The following BCL6B variants were observed in gnomAD, a reference collection of about 807,000 sequenced individuals.
BCL6B encodes the protein BCL6B transcription repressor.
BCL6B carries 28 observed loss-of-function variants against 44.6 expected under a neutral mutation model. That is an observed-to-expected ratio of 0.63 (90% confidence interval 0.47 to 0.86). The LOEUF (loss-of-function observed/expected upper bound fraction) is 0.86, where lower values mean the gene tolerates loss of function less well. Ranked by LOEUF, BCL6B falls within the 40% of genes least tolerant of loss-of-function variation. The probability of loss-of-function intolerance (pLI) is 0.00; values close to 1 mark genes in which losing one functional copy is unlikely to be tolerated. For missense variants in BCL6B, 626 were observed against 652.3 expected, an observed-to-expected ratio of 0.96 and a Z score of 0.44; for synonymous variants, 268 against 263.6, an observed-to-expected ratio of 1.02 and a Z score of -0.16.
In BCL6B at chr17:7,027,926, GC is replaced by G; in HGVS notation, c.*312del. ...CTAAGGGAATAGCCCTCCACCTGTG[GC>G]CCCCATTGCATTCAGTTTATCTGTA... On this transcript the variant is annotated 3_prime_UTR_variant, in exon 9 of 9. Coordinates refer to ENST00000293805, the MANE Select transcript of BCL6B (RefSeq NM_181844.4). 8.5e-7 allele frequency: 1 copy of G among 1,172,856 alleles called. No homozygotes were observed. Among genetic ancestry groups the G allele is most frequent in the Non-Finnish European group, 1.1e-6 (1 of 946,074 alleles). The allele number at this position is 1,172,856 out of a possible 1,614,324, so 72.7% of individuals were successfully genotyped here. A position where few individuals can be genotyped will look rare whatever the true frequency, so the allele number is the denominator to read the frequency against.
rs1164339972 is a variant in BCL6B at position 7,026,720 on chromosome 17, A to T, written c.1070A>T (p.His357Leu). 1 of 1,614,222 alleles carries T rather than the reference A, an allele frequency of 6.2e-7. No homozygotes were observed. Among genetic ancestry groups the T allele is most frequent in the Non-Finnish European group, 8.5e-7 (1 of 1,180,034 alleles). ...CTGCCTCCAGGGGAAAAGCCTTACC[A>T]CTGCTCAATCTGCGGAGCCCGTTTT... ...RTVHTGEKPY[H>L]CSICGARFNR... The change falls in exon 7 of 9, where the codon CAC (histidine) becomes CTC (leucine). Residue 357 changes from histidine (H) to leucine (L), a missense_variant. Coordinates refer to ENST00000293805, the MANE Select transcript of BCL6B (RefSeq NM_181844.4).
rs1255874792 is a variant in BCL6B at position 7,024,104 on chromosome 17, C to A, written c.201C>A (p.Phe67Leu). 5 of 1,613,950 alleles carry A rather than the reference C, an allele frequency of 3.1e-6. No homozygotes were observed. In the South Asian group the frequency reaches 5.5e-5, roughly 18 times the overall value. The change falls in exon 3 of 9, where the codon TTC (phenylalanine) becomes TTA (leucine). Residue 67 changes from phenylalanine to leucine, a missense_variant. By Grantham distance (22) the Phe-to-Leu change is conservative. Coordinates refer to ENST00000293805, the MANE Select transcript of BCL6B (RefSeq NM_181844.4). The surrounding 1 kb of genome is among the most constrained non-coding windows in gnomAD (Gnocchi z 6.6). Reference protein sequence around the residue: ...IACSGFFYSIFRGRAGVGVDV... With the variant: ...IACSGFFYSILRGRAGVGVDV... ...CTAGTGGCTTCTTCTATTCAATTTT[C>A]CGGGGCCGTGCGGGAGTCGGGGTGG...
In BCL6B at chr17:7,028,956, C is replaced by T. The variant is rs1910381772; in HGVS notation, c.*1337C>T. 2 of 985,420 alleles carry T rather than the reference C, an allele frequency of 2.0e-6. No homozygotes were observed. The highest frequency in any genetic ancestry group is 9.4e-5 in the South Asian group (2 of 21,274). The allele number at this position is 985,420 out of a possible 1,614,324, so 61.0% of individuals were successfully genotyped here. A position where few individuals can be genotyped will look rare whatever the true frequency, so the allele number is the denominator to read the frequency against. ...TCTAGAAGGGATGGTGCTTGGTAAC[C>T]TTACCTTTTAAAAGCTGGGTCTGTG... On this transcript the variant is annotated 3_prime_UTR_variant, in exon 9 of 9. Coordinates refer to ENST00000293805, the MANE Select transcript of BCL6B (RefSeq NM_181844.4).
rs1910333258 is a variant in BCL6B at position 7,027,548 on chromosome 17, C to A, written c.1369C>A (p.Leu457Met). The A allele has an allele frequency of 6.2e-7, 1 of 1,613,932 alleles. No individual in the cohort carries two copies. The highest frequency in any genetic ancestry group is 1.3e-5 in the African/African-American group (1 of 75,028). ...LHFRHKSQLR[L>M]HLRQKHGAAT... is the part of the protein sequence containing the mutation. ...TTTCCGGCACAAGAGTCAACTGCGG[C>A]TGCATCTGCGCCAGAAACACGGAGC... is the stretch of plus-strand genomic sequence containing the variant. The change falls in exon 9 of 9, where the codon CTG (leucine) becomes ATG (methionine). Residue 457 changes from leucine (L) to methionine (M), a missense_variant. Leu to Met is a conservative substitution (Grantham distance 15, BLOSUM62 2). Coordinates refer to ENST00000293805, the MANE Select transcript of BCL6B (RefSeq NM_181844.4).
At chr17:7,025,011 C>G (rs1178511101) in intron 4 of BCL6B, 65 bp from the exon 5 acceptor site, 4 of 1,571,910 alleles carry the variant, frequency 2.5e-6, no homozygotes, top group Non-Finnish European at 3.4e-6. Context: ...CCAAATTTCC[C>G]AGGAGAGAAC....
In BCL6B at chr17:7,024,837, G is replaced by A; in HGVS notation, c.764+74G>A. On this transcript the variant is annotated intron_variant, in intron 4 of 8. Coordinates refer to ENST00000293805, the MANE Select transcript of BCL6B (RefSeq NM_181844.4). The surrounding 1 kb of genome is among the most constrained non-coding windows in gnomAD (Gnocchi z 6.6). ...AAGACAGAGTCATTGGGCCTTGATG[G>A]TCAGGAGGAAGGGAGATAGGTGGTG... 6.6e-7 allele frequency: 1 copy of A among 1,510,694 alleles called. No individual in the cohort carries two copies. The highest frequency in any genetic ancestry group is 1.3e-5 in the South Asian group (1 of 79,308). The allele number at this position is 1,510,694 out of a possible 1,614,324, so 93.6% of individuals were successfully genotyped here. A position where few individuals can be genotyped will look rare whatever the true frequency, so the allele number is the denominator to read the frequency against.
Position 7,029,633 on chromosome 17 carries a change from C to A in BCL6B, c.*2014C>A. On this transcript the variant is annotated 3_prime_UTR_variant, in exon 9 of 9. Coordinates refer to ENST00000293805, the MANE Select transcript of BCL6B (RefSeq NM_181844.4). The stretch of plus-strand genomic sequence containing the variant: ...CATCAGATCCTTGGAATAAAGAAGC[C>A]TCTCTGTGCTGCCTGCTGTGTCCTG... 8.4e-7 allele frequency: 1 copy of A among 1,186,238 alleles called. No individual in the cohort carries two copies. Among genetic ancestry groups the A allele is most frequent in the South Asian group, 1.6e-5 (1 of 64,036 alleles). 73.5% of individuals were successfully genotyped at this position (1,186,238 alleles called of 1,614,324 possible).
rs186721993 is a variant in BCL6B, at chr17:7,029,538, A to G, written c.*1919A>G. 4.5e-6 allele frequency: 5 copies of G among 1,120,906 alleles called. No homozygotes were observed. The East Asian group carries it at 3.0e-4, about 68-fold the overall frequency. 69.4% of individuals were successfully genotyped at this position (1,120,906 alleles called of 1,614,324 possible). Reference sequence around the variant, plus strand: ...GCGGAGGAGTCTATAAGAAGGAATCATGATTTCTATTTAGCAGATTGGATG... The same window carrying G: ...GCGGAGGAGTCTATAAGAAGGAATCGTGATTTCTATTTAGCAGATTGGATG... On this transcript the variant is annotated 3_prime_UTR_variant, in exon 9 of 9. Coordinates refer to ENST00000293805, the MANE Select transcript of BCL6B (RefSeq NM_181844.4).
rs1567728463 is a variant in BCL6B at position 7,024,426 on chromosome 17, C to T, written c.427C>T (p.Arg143Cys). ...ASYEPLGISL[R>C]PLEAEPPTPP... ...CTATGAACCTCTGGGCATCTCCCTG[C>T]GCCCCCTGGAAGCAGAACCCCCAAC... The change falls in exon 4 of 9, where the codon CGC becomes TGC. Residue 143 changes from arginine (R) to cysteine (C), a missense_variant. Physicochemically the swap from Arg to Cys is radical, Grantham distance 180. Transcript: ENST00000293805. This position sits in a 1 kb window ranked among gnomAD's most constrained non-coding sequence, Gnocchi z 6.6. 1.2e-6 allele frequency: 2 copies of T among 1,613,542 alleles called. No individual in the cohort carries two copies. The highest frequency in any genetic ancestry group is 1.1e-5 in the South Asian group (1 of 91,040).
At position 7,027,598 on chromosome 17, in the gene BCL6B, C is replaced by A; in HGVS notation, c.1419C>A (p.Tyr473Ter). ...CTGCTACCAACACCAAAGTGCACTACCACATTCTCGGGGGGCCCTAGCTGA... is the reference window on the plus strand; with the variant it reads ...CTGCTACCAACACCAAAGTGCACTAACACATTCTCGGGGGGCCCTAGCTGA... ...HGAATNTKVHYHILGGP is the reference protein window; with the variant it reads ...HGAATNTKVH The change falls in exon 9 of 9, where the codon TAC (tyrosine) becomes TAA (stop). Residue 473 changes from tyrosine to a stop codon, truncating the protein, a stop_gained. Transcript: ENST00000293805. LOFTEE classifies it high-confidence loss of function. 1 of 1,613,622 alleles carries A rather than the reference C, an allele frequency of 6.2e-7. No homozygotes were observed. The highest frequency in any genetic ancestry group is 8.5e-7 in the Non-Finnish European group (1 of 1,180,024).
chr17:7,027,469 TG>T, intron 8 of BCL6B, 33 bp from the exon 9 acceptor site: 1 of 1,611,714 alleles, frequency 6.2e-7, no homozygotes, highest in Non-Finnish European at 8.5e-7. Flanking sequence ...TGATTGTGGA[TG>T]GGGCAGGGCC....
Position 7,023,785 on chromosome 17 carries a change from T to A in BCL6B, c.114T>A (p.Thr38=). 1 of 1,612,512 alleles carries A rather than the reference T, an allele frequency of 6.2e-7. No individual in the cohort carries two copies. Among genetic ancestry groups the A allele is most frequent in the South Asian group, 1.1e-5 (1 of 91,040 alleles). The change falls in exon 2 of 9, where the codon ACT becomes ACA. Residue 38 remains threonine (T), a synonymous_variant. Coordinates refer to ENST00000293805, the MANE Select transcript of BCL6B (RefSeq NM_181844.4). ...LNELRLRGIL[T]DVTLLVGGQP... ...AGCTGCGCCTGCGCGGGATCCTCAC[T>A]GACGTCACGCTGCTGGTTGGCGGGC...
chr17:7,027,132 C>G, intron 8 of BCL6B, 45 bp downstream of exon 8: 1 of 1,609,500 alleles, frequency 6.2e-7, no homozygotes, highest in Non-Finnish European at 8.5e-7. Flanking sequence ...AATTACCTCT[C>G]CTTTGCCTAG....
rs1013236603 is a variant in BCL6B at position 7,028,754 on chromosome 17, A to C, written c.*1135A>C. 4 of 985,370 alleles carry C rather than the reference A, an allele frequency of 4.1e-6. No individual in the cohort carries two copies. In the African/African-American group the frequency reaches 7.0e-5, roughly 17 times the overall value. 61.0% of individuals were successfully genotyped at this position (985,370 alleles called of 1,614,324 possible). ...CTATGAATGTTATGGCCTAGGGAAG[A>C]ATCATGAAACTCTTTAGCTTGATTA... is the stretch of plus-strand genomic sequence containing the variant. On this transcript the variant is annotated 3_prime_UTR_variant, in exon 9 of 9. Transcript: ENST00000293805.
In BCL6B at chr17:7,027,771, G is replaced by C. The variant is rs1490183406; in HGVS notation, c.*152G>C. The C allele has an allele frequency of 3.4e-6, 5 of 1,454,610 alleles. No individual in the cohort carries two copies. The Admixed American group carries it at 7.8e-5, about 23-fold the overall frequency. 90.1% of individuals were successfully genotyped at this position (1,454,610 alleles called of 1,614,324 possible). A position where few individuals can be genotyped will look rare whatever the true frequency, so the allele number is the denominator to read the frequency against. On this transcript the variant is annotated 3_prime_UTR_variant, in exon 9 of 9. Coordinates refer to ENST00000293805, the MANE Select transcript of BCL6B (RefSeq NM_181844.4). ...TCTTAATTTCTCACTGGGGAGAGCA[G>C]GGGTGGCAGATCCTGGCTAGATCTG...
intron 5 of BCL6B, 86 bp from the exon 6 acceptor site, chr17:7,026,371 C>T (rs538434616): frequency 6.7e-7 from 1 of 1,496,738 alleles, no homozygotes; most frequent in South Asian, 1.3e-5. Context: ...AACAGAAAGC[C>T]TGCTACTGTG....
chr17:7,023,943 G>A, intron 2 of BCL6B, 93 bp downstream of exon 2: 2 of 1,546,274 alleles, frequency 1.3e-6, no homozygotes, highest in East Asian at 4.5e-5. Context: ...TCTTTCAGAA[G>A]CAGGAGGCGG....
At position 7,029,536 on chromosome 17, in the gene BCL6B, T is replaced by A. The variant is rs1004964162; in HGVS notation, c.*1917T>A. On this transcript the variant is annotated 3_prime_UTR_variant, in exon 9 of 9. Coordinates refer to ENST00000293805, the MANE Select transcript of BCL6B (RefSeq NM_181844.4). The stretch of plus-strand genomic sequence containing the variant: ...AGGCGGAGGAGTCTATAAGAAGGAA[T>A]CATGATTTCTATTTAGCAGATTGGA... 6 of 1,117,640 alleles carry A rather than the reference T, an allele frequency of 5.4e-6. No individual in the cohort carries two copies. In the Admixed American group the frequency reaches 2.6e-4, roughly 49 times the overall value. The allele number at this position is 1,117,640 out of a possible 1,614,324, so 69.2% of individuals were successfully genotyped here. A position where few individuals can be genotyped will look rare whatever the true frequency, so the allele number is the denominator to read the frequency against.
chr17:7,027,332 A>T (rs1910325012), intron 8 of BCL6B, among the ~76,000 whole-genome samples, 171 bp from the exon 9 acceptor site: 1 of 152,156 alleles, frequency 6.6e-6, no homozygotes, highest in Admixed American at 6.5e-5. Context: ...TTGCTAAATA[A>T]GGCGGGGCCT....
Sources: allele counts gnomAD v4.1 joint callset (sites outside exome capture counted in the v4.1 genomes callset), GRCh38; gene constraint gnomAD v4.1.1; non-coding constraint Gnocchi (gnomAD v3.1); transcripts MANE v1.5; gene names NCBI Gene and HGNC (gene_info 2026-07-23, HGNC 2026-07-21).